LAMA2: variants seen among roughly 807,000 people sequenced by gnomAD.
The protein encoded by LAMA2 is laminin subunit alpha-2.
In LAMA2, 269 loss-of-function variants were observed where a neutral mutation model predicts 364.8. The observed-to-expected ratio is 0.74, with a 90% confidence interval of 0.67 to 0.82. LAMA2 has a LOEUF of 0.82. Ranked by LOEUF, LAMA2 falls within the 40% of genes least tolerant of loss-of-function variation. The probability of loss-of-function intolerance (pLI) is 0.00; values close to 1 mark genes in which losing one functional copy is unlikely to be tolerated. For missense variants in LAMA2, 3,807 were observed against 3,873.2 expected, an observed-to-expected ratio of 0.98 and a Z score of 0.45; for synonymous variants, 1,379 against 1,370.6, an observed-to-expected ratio of 1.01 and a Z score of -0.14.
Position 129,366,313 on chromosome 6 carries a change from G to A in LAMA2, c.4812G>A (p.Ala1604=), listed in dbSNP as rs756024063. ...TCAACCTCACTGGTCCGCTGCCTGC[G>A]CCATATAAAATGCTGTATGGTCTTG... The part of the protein sequence containing the change: ...MSINLTGPLP[A]PYKMLYGLEN... Residue 1604 remains alanine (A), a synonymous_variant, in exon 33 of 65, where the codon GCG becomes GCA. Transcript: ENST00000421865. The A allele has an allele frequency of 1.1e-5, 18 of 1,613,770 alleles. No homozygotes were observed. Among genetic ancestry groups the A allele is most frequent in the African/African-American group, 2.7e-5 (2 of 74,838 alleles).
At chr6:129,242,266 A>G (rs1416075034) in intron 12 of LAMA2, among the ~76,000 whole-genome samples, 1 of 152,160 alleles carries the variant, frequency 6.6e-6, no homozygotes, top group Non-Finnish European at 1.5e-5. Flanking sequence ...TTTAAGCAGT[A>G]AGTGAAAGGT....
intron 27 of LAMA2, among the ~76,000 whole-genome samples, chr6:129,318,424 A>G (rs1031541923): frequency 2.0e-5 from 3 of 152,178 alleles, no homozygotes; most frequent in Admixed American, 6.5e-5. Flanking sequence ...GAAAAAAAAA[A>G]TGGTGTATTG....
intron 3 of LAMA2, among the ~76,000 whole-genome samples, chr6:129,097,292 C>T (rs1775244344): frequency 6.6e-6 from 1 of 152,184 alleles, no homozygotes; most frequent in African/African-American, 2.4e-5. Context: ...GAACATTGTA[C>T]ATAAATGTCA....
At chr6:129,464,139 A>C in intron 49 of LAMA2, 151 bp from the exon 50 acceptor site, 1 of 717,398 alleles carries the variant, frequency 1.4e-6, no homozygotes, top group Non-Finnish European at 2.5e-6. Flanking sequence ...CGGTGGCAGT[A>C]GAGATGGAGA....
chr6:129,341,591 G>A (rs1257164562), intron 29 of LAMA2, among the ~76,000 whole-genome samples: 2 of 152,158 alleles, frequency 1.3e-5, no homozygotes, highest in African/African-American at 4.8e-5. Context: ...TTTCTAGAAG[G>A]TAGGATGTTC....
intron 1 of LAMA2, among the ~76,000 whole-genome samples, chr6:129,026,946 G>GTTGA (rs1785870173): frequency 6.6e-6 from 1 of 151,966 alleles, no homozygotes; most frequent in Non-Finnish European, 1.5e-5. Context: ...TCTCTGTTCA[G>GTTGA]CCATAACTAA....
chr6:129,069,545 A>G (rs1460486794), intron 3 of LAMA2, among the ~76,000 whole-genome samples: 1 of 149,300 alleles, frequency 6.7e-6, no homozygotes, highest in Non-Finnish European at 1.5e-5. Context: ...CCCCATGCAC[A>G]GAGAAAATTC....
At chr6:129,321,745 A>G (rs1452232540) in intron 28 of LAMA2, among the ~76,000 whole-genome samples, 2 of 152,246 alleles carry the variant, frequency 1.3e-5, no homozygotes, top group Non-Finnish European at 1.5e-5. Context: ...ATAATTTTAT[A>G]CATCTTATTT....
At chr6:129,184,650 T>C (rs776176395) in intron 10 of LAMA2, among the ~76,000 whole-genome samples, 11 of 151,878 alleles carry the variant, frequency 7.2e-5, no homozygotes, top group Non-Finnish European at 1.3e-4. Flanking sequence ...TCTTAATGAT[T>C]GTTCGCCCCT....
At chr6:129,104,047 C>T (rs1334110908) in intron 4 of LAMA2, among the ~76,000 whole-genome samples, 2 of 151,856 alleles carry the variant, frequency 1.3e-5, no homozygotes, top group Non-Finnish European at 2.9e-5. Context: ...TCTTTACAAA[C>T]AGGTTCTCAT....
intron 1 of LAMA2, among the ~76,000 whole-genome samples, chr6:128,987,283 G>T (rs1489815419): frequency 1.3e-5 from 2 of 151,800 alleles, no homozygotes; most frequent in African/African-American, 4.8e-5. Context: ...AAGACTACAG[G>T]CGTGTGCCCC....
chr6:129,106,860 C>T (rs1426451400), intron 4 of LAMA2, among the ~76,000 whole-genome samples: 2 of 115,402 alleles, frequency 1.7e-5, no homozygotes, highest in Non-Finnish European at 1.7e-5. Context: ...CCTTACTCCT[C>T]CAAAAAAAAA....
chr6:129,315,688 C>T, intron 25 of LAMA2, 33 bp downstream of exon 25: 1 of 1,610,816 alleles, frequency 6.2e-7, no homozygotes, highest in Non-Finnish European at 8.5e-7. Context: ...CAAGTGAGAA[C>T]AAGATAAAAT....
intron 1 of LAMA2, among the ~76,000 whole-genome samples, chr6:129,010,885 C>A (rs1236826000): frequency 6.6e-6 from 1 of 152,152 alleles, no homozygotes; most frequent in Non-Finnish European, 1.5e-5. Flanking sequence ...ACTTCCTATA[C>A]CTATGTCTTT....
intron 2 of LAMA2, among the ~76,000 whole-genome samples, chr6:129,059,051 A>C (rs1050297144): frequency 1.3e-5 from 2 of 152,198 alleles, no homozygotes; most frequent in Non-Finnish European, 2.9e-5. Flanking sequence ...ATGTGAAATG[A>C]GTTAAATTAA....
intron 10 of LAMA2, among the ~76,000 whole-genome samples, chr6:129,178,684 G>C (rs1164800945): frequency 1.3e-5 from 2 of 151,950 alleles, no homozygotes; most frequent in Admixed American, 1.3e-4. Context: ...ATTAAAGAGG[G>C]ACCCTTATTA....
At chr6:129,514,908 G>C (rs1457392989) in intron 64 of LAMA2, among the ~76,000 whole-genome samples, 1 of 150,356 alleles carries the variant, frequency 6.7e-6, no homozygotes, top group Non-Finnish European at 1.5e-5. Flanking sequence ...AGCCAAACTT[G>C]GTGTTCTTTC....
chr6:129,327,873 CTG>C (rs1775396197), intron 28 of LAMA2, among the ~76,000 whole-genome samples: 1 of 152,066 alleles, frequency 6.6e-6, no homozygotes, highest in Non-Finnish European at 1.5e-5. Flanking sequence ...TAGTTTTTTG[CTG>C]TGTTTCATTG....
rs769315556 is a variant in LAMA2, at chr6:129,353,376, C to T, written c.4717+19C>T. 6.2e-7 allele frequency: 1 copy of T among 1,604,952 alleles called. No individual in the cohort carries two copies. Among genetic ancestry groups the T allele is most frequent in the African/African-American group, 1.3e-5 (1 of 74,476 alleles). ...TGTGTTTGTACGTATACTAACTTTG[C>T]TGTTAGTTTTGGAGGCCTTGATTCC... On this transcript the variant is annotated intron_variant, in intron 32 of 64. Transcript: ENST00000421865.
Sources: gnomAD v4.1 joint callset for allele counts (sites outside exome capture counted in the v4.1 genomes callset) on GRCh38, gnomAD v4.1.1 for gene constraint, MANE v1.5 for transcripts, NCBI Gene and HGNC (gene_info 2026-07-23, HGNC 2026-07-21) for gene names.